OSBP2: variants seen among roughly 807,000 people sequenced by gnomAD.
OSBP2 encodes oxysterol-binding protein 2.
In OSBP2, 66 loss-of-function variants were observed where a neutral mutation model predicts 96.0. The ratio of observed to expected loss-of-function variants is 0.69; its 90% CI spans 0.56 to 0.84. The LOEUF is 0.84. Among genes scored for constraint, OSBP2 ranks in the 40% least tolerant of loss-of-function variants. The pLI is 0.00. For synonymous variants in OSBP2, 525 were observed against 520.9 expected, an observed-to-expected ratio of 1.01 and a Z score of -0.11; for missense variants, 1,038 against 1,222.7, an observed-to-expected ratio of 0.85 and a Z score of 2.25.
At chr22:30,792,995 A>G (rs907455781) in intron 2 of OSBP2, among the ~76,000 whole-genome samples, 4 of 152,240 alleles carry the variant, frequency 2.6e-5, no homozygotes, top group African/African-American at 9.6e-5. Context: ...ATCCAAGACT[A>G]TCTGATTCCA....
At chr22:30,812,772 A>G (rs1006004164) in intron 2 of OSBP2, among the ~76,000 whole-genome samples, 5 of 152,146 alleles carry the variant, frequency 3.3e-5, no homozygotes, top group Non-Finnish European at 5.9e-5. Flanking sequence ...AGGCGACCCC[A>G]TCATTCTTTT....
chr22:30,792,271 C>G (rs2090685837), intron 2 of OSBP2, among the ~76,000 whole-genome samples: 1 of 152,036 alleles, frequency 6.6e-6, no homozygotes, highest in Non-Finnish European at 1.5e-5. Flanking sequence ...TGAGATCGCA[C>G]CACTGCACTC....
chr22:30,694,845 GCCCCGCCCCCGGCCTGCC>G, upstream of OSBP2: 3 of 723,094 alleles, frequency 4.1e-6, no homozygotes, highest in Non-Finnish European at 5.4e-6. Context: ...TGCGCCCCCG[GCCCCGCCCCCGGCCTGCC>G]CCCCGCCCCC....
At chr22:30,806,659 C>G (rs1250173013) in intron 2 of OSBP2, among the ~76,000 whole-genome samples, 1 of 152,170 alleles carries the variant, frequency 6.6e-6, no homozygotes, top group Non-Finnish European at 1.5e-5. Context: ...ACAGGAACCC[C>G]TCCTAATGGA....
chr22:30,706,718 C>T (rs2089259363), intron 1 of OSBP2, among the ~76,000 whole-genome samples: 1 of 152,166 alleles, frequency 6.6e-6, no homozygotes, highest in South Asian at 2.1e-4. Context: ...GACCCTTCTT[C>T]TAACAAACTT....
At chr22:30,742,302 C>T (rs1324968635) in intron 2 of OSBP2, among the ~76,000 whole-genome samples, 7 of 151,394 alleles carry the variant, frequency 4.6e-5, no homozygotes, top group African/African-American at 9.7e-5. Context: ...CGTGGTGGTG[C>T]GTGCCTGTAA....
chr22:30,716,932 G>T (rs2089466678), intron 1 of OSBP2, among the ~76,000 whole-genome samples: 1 of 152,098 alleles, frequency 6.6e-6, no homozygotes, highest in African/African-American at 2.4e-5. Context: ...AGTCCCATTT[G>T]TCTGTTTTTG....
chr22:30,905,837 G>A lies in OSBP2; in HGVS notation c.2376G>A (p.Pro792=). 6.2e-7 allele frequency: 1 copy of A among 1,612,720 alleles called. No homozygotes were observed. Among genetic ancestry groups the A allele is most frequent in the Non-Finnish European group, 8.5e-7 (1 of 1,179,336 alleles). Residue 792 remains proline (P), a splice_region_variant and synonymous_variant, in exon 13 of 14, where the codon CCG becomes CCA. Transcript: ENST00000332585. The part of the protein sequence containing the change: ...AKLLWKKYPL[P]ENAENMYYFS... The stretch of plus-strand genomic sequence containing the variant: ...GCCACCGCCACCACCACCGCCACAG[G>A]GAGAACGCGGAGAACATGTACTACT...
At chr22:30,781,695 A>T (rs538360376) in intron 2 of OSBP2, among the ~76,000 whole-genome samples, 21 of 152,150 alleles carry the variant, frequency 1.4e-4, no homozygotes, top group African/African-American at 4.8e-4. Flanking sequence ...CCAAGAGAAC[A>T]CTGGGTTTCT....
intron 2 of OSBP2, among the ~76,000 whole-genome samples, chr22:30,850,637 T>C (rs551060067): frequency 2.0e-4 from 30 of 152,160 alleles, no homozygotes; most frequent in African/African-American, 7.2e-4. Flanking sequence ...GTAACTGGGA[T>C]TACAGGTGCG....
intron 12 of OSBP2, among the ~76,000 whole-genome samples, chr22:30,899,213 T>C (rs568280492): frequency 1.8e-4 from 27 of 151,758 alleles, no homozygotes; most frequent in Non-Finnish European, 3.5e-4. Context: ...ACCCTGTCTC[T>C]ACAAAAAAAA....
At chr22:30,694,383 C>T (rs554564058), upstream of OSBP2, 5,155 of 1,501,752 alleles carry the variant, frequency 3.4e-3, 8 homozygotes, top group Admixed American at 5.6e-3. Flanking sequence ...CGTCTTTAGC[C>T]TTTAGCGCCC....
chr22:30,774,569 T>C (rs764132455), intron 2 of OSBP2, among the ~76,000 whole-genome samples: 8 of 152,222 alleles, frequency 5.3e-5, no homozygotes, highest in Non-Finnish European at 1.2e-4. Flanking sequence ...GTAAAAATAT[T>C]TGATGGAAAA....
At chr22:30,728,016 A>G (rs999317082) in intron 1 of OSBP2, among the ~76,000 whole-genome samples, 3 of 151,724 alleles carry the variant, frequency 2.0e-5, no homozygotes, top group African/African-American at 4.8e-5. Context: ...GAGGCAGGAA[A>G]ATTGCTTGAA....
intron 2 of OSBP2, among the ~76,000 whole-genome samples, chr22:30,766,177 G>A (rs901046166): frequency 6.6e-6 from 1 of 152,190 alleles, no homozygotes; most frequent in Non-Finnish European, 1.5e-5. Context: ...CAAGGCTTCA[G>A]TGAACTATGA....
chr22:30,873,922 G>T (rs1405852931), intron 3 of OSBP2, among the ~76,000 whole-genome samples: 1 of 152,140 alleles, frequency 6.6e-6, no homozygotes, highest in Non-Finnish European at 1.5e-5. Flanking sequence ...AAAGAATCTG[G>T]GGTTGTTCCG....
chr22:30,852,007 C>T (rs1006539794), intron 2 of OSBP2, among the ~76,000 whole-genome samples: 5 of 152,134 alleles, frequency 3.3e-5, no homozygotes, highest in African/African-American at 4.8e-5. Context: ...AAACCTTGCA[C>T]GCCTGAGATA....
At chr22:30,807,338 C>A (rs979014929) in intron 2 of OSBP2, among the ~76,000 whole-genome samples, 1 of 152,252 alleles carries the variant, frequency 6.6e-6, no homozygotes, top group Non-Finnish European at 1.5e-5. Context: ...CGTGCTGCCA[C>A]TGCCCTGATT....
intron 2 of OSBP2, among the ~76,000 whole-genome samples, chr22:30,831,903 T>C (rs2038530283): frequency 6.6e-6 from 1 of 152,186 alleles, no homozygotes; most frequent in African/African-American, 2.4e-5. Flanking sequence ...AACCACCCTC[T>C]CTGATCTCCT....
Sources: allele counts gnomAD v4.1 joint callset (sites outside exome capture counted in the v4.1 genomes callset), GRCh38; gene constraint gnomAD v4.1.1; transcripts MANE v1.5; gene names NCBI Gene and HGNC (gene_info 2026-07-23, HGNC 2026-07-21).